Variants in FAM81A observed in about 807,000 individuals in gnomAD.
FAM81A encodes protein FAM81A.
In FAM81A, 19 loss-of-function variants were observed where a neutral mutation model predicts 46.7. The ratio of observed to expected loss-of-function variants is 0.41; its 90% confidence interval spans 0.28 to 0.60. The LOEUF is 0.60. Among genes scored for constraint, FAM81A ranks in the 20% least tolerant of loss-of-function variants. The pLI is 0.34. For synonymous variants in FAM81A, 183 were observed against 152.9 expected, an observed-to-expected ratio of 1.20 and a Z score of -1.45; for missense variants, 377 against 453.5, an observed-to-expected ratio of 0.83 and a Z score of 1.53.
At chr15:59,437,044 G>A (rs959356140), upstream of FAM81A, among the ~76,000 whole-genome samples, 3 of 152,224 alleles carry the variant, frequency 2.0e-5, no homozygotes, top group Non-Finnish European at 4.4e-5. Context: ...AGATGCGTTA[G>A]CGCTTTGTGG....
At chr15:59,421,902 T>G (rs2081175375) in intron 2 of FAM81A, among the ~76,000 whole-genome samples, 1 of 140,748 alleles carries the variant, frequency 7.1e-6, no homozygotes, top group Admixed American at 7.1e-5. Context: ...TATCTATCTA[T>G]CTATCTATCT....
intron 3 of FAM81A, among the ~76,000 whole-genome samples, chr15:59,476,416 A>G (rs189204330): frequency 1.3e-5 from 2 of 152,232 alleles, no homozygotes; most frequent in East Asian, 3.9e-4. Context: ...GGACACAAAC[A>G]TTCAGTCCGT....
chr15:59,443,546 A>G (rs2081323535), intron 1 of FAM81A, among the ~76,000 whole-genome samples: 1 of 152,280 alleles, frequency 6.6e-6, no homozygotes, highest in Admixed American at 6.5e-5. Flanking sequence ...TCAGTTATGT[A>G]GTAGAATGCC....
At chr15:59,454,555 A>T (rs1480125356) in intron 1 of FAM81A, among the ~76,000 whole-genome samples, 1 of 152,080 alleles carries the variant, frequency 6.6e-6, no homozygotes, top group African/African-American at 2.4e-5. Flanking sequence ...AGATAATAGC[A>T]TTTCACTTTA....
intron 3 of FAM81A, among the ~76,000 whole-genome samples, chr15:59,468,582 A>G (rs1304569802): frequency 6.7e-6 from 1 of 149,264 alleles, no homozygotes; most frequent in Non-Finnish European, 1.5e-5. Flanking sequence ...TATTGCATCT[A>G]TTTGATTCTT....
chr15:59,451,741 C>T (rs2081421600), intron 1 of FAM81A, among the ~76,000 whole-genome samples: 1 of 152,212 alleles, frequency 6.6e-6, no homozygotes, highest in South Asian at 2.1e-4. Flanking sequence ...GCATGAGCCA[C>T]CACATCTGGT....
chr15:59,463,985 A>T (rs1268459272), intron 3 of FAM81A, among the ~76,000 whole-genome samples: 1 of 151,874 alleles, frequency 6.6e-6, no homozygotes. Context: ...TACCCATCCC[A>T]TCCTCTAGTA....
intron 3 of FAM81A, among the ~76,000 whole-genome samples, chr15:59,478,254 C>T (rs1464587192): frequency 6.6e-6 from 1 of 152,172 alleles, no homozygotes; most frequent in African/African-American, 2.4e-5. Context: ...TGCTCAACTT[C>T]ATGATGTCCT....
intron 4 of FAM81A, 145 bp from the exon 5 acceptor site, chr15:59,507,068 T>G: frequency 9.4e-7 from 1 of 1,067,090 alleles, no homozygotes; most frequent in Non-Finnish European, 1.3e-6. Context: ...GGCCAGCTCT[T>G]GGAATTCATT....
At chr15:59,421,691 A>G (rs1477356884) in intron 2 of FAM81A, among the ~76,000 whole-genome samples, 1 of 150,998 alleles carries the variant, frequency 6.6e-6, no homozygotes, top group Non-Finnish European at 1.5e-5. Context: ...CCTTGGGGAC[A>G]GATTAAACCC....
chr15:59,487,149 A>T (rs2081926235), intron 3 of FAM81A, among the ~76,000 whole-genome samples: 1 of 38,724 alleles, frequency 2.6e-5, no homozygotes, highest in South Asian at 9.3e-4. Flanking sequence ...ATGATGTTAA[A>T]GTATAGAGTT....
chr15:59,492,194 T>G (rs554770593), intron 3 of FAM81A, 77 bp from the exon 4 acceptor site: 30 of 1,058,920 alleles, frequency 2.8e-5, no homozygotes, highest in Middle Eastern at 2.3e-4. Flanking sequence ...TTCTTATTTT[T>G]GCCAAAAGTA....
chr15:59,495,954 T>C (rs1435060045), intron 4 of FAM81A, among the ~76,000 whole-genome samples: 2 of 152,228 alleles, frequency 1.3e-5, no homozygotes, highest in Non-Finnish European at 2.9e-5. Flanking sequence ...GAAAAATTAC[T>C]GTCCCATTCT....
chr15:59,433,004 T>C (rs1182910819), intron 2 of FAM81A, among the ~76,000 whole-genome samples: 1 of 149,188 alleles, frequency 6.7e-6, no homozygotes, highest in Non-Finnish European at 1.5e-5. Flanking sequence ...TAGCTGGGCA[T>C]GGTGGTGGGT....
intron 6 of FAM81A, among the ~76,000 whole-genome samples, chr15:59,510,213 A>G (rs2082190854): frequency 6.6e-6 from 1 of 152,134 alleles, no homozygotes; most frequent in East Asian, 1.9e-4. Flanking sequence ...TAAAAATACA[A>G]AAATTAGCCA....
chr15:59,484,857 G>T (rs1047065114), intron 3 of FAM81A, among the ~76,000 whole-genome samples: 3 of 152,152 alleles, frequency 2.0e-5, no homozygotes, highest in Non-Finnish European at 2.9e-5. Context: ...TGGACTCTTG[G>T]ATCTCTAGAT....
chr15:59,428,862 C>A (rs534852434), intron 2 of FAM81A, among the ~76,000 whole-genome samples: 32 of 152,202 alleles, frequency 2.1e-4, no homozygotes, highest in African/African-American at 7.7e-4. Flanking sequence ...AACTCCTGAG[C>A]ACAAGTGATC....
At chr15:59,432,309 C>T (rs950265529) in intron 2 of FAM81A, among the ~76,000 whole-genome samples, 1 of 152,200 alleles carries the variant, frequency 6.6e-6, no homozygotes, top group South Asian at 2.1e-4. Flanking sequence ...TAGTGCAGAC[C>T]TGAGGTGAAG....
upstream of FAM81A, among the ~76,000 whole-genome samples, chr15:59,434,582 G>A (rs1396247094): frequency 6.6e-6 from 1 of 152,194 alleles, no homozygotes; most frequent in Non-Finnish European, 1.5e-5. Flanking sequence ...CTCTGACACT[G>A]TCCTCACTCT....
Sources: allele counts gnomAD v4.1 joint callset (sites outside exome capture counted in the v4.1 genomes callset), GRCh38; gene constraint gnomAD v4.1.1; transcripts MANE v1.5; gene names NCBI Gene and HGNC (gene_info 2026-07-23, HGNC 2026-07-21).